GPRIN2: variants seen among roughly 807,000 people sequenced by gnomAD.
The protein encoded by GPRIN2 is G protein-regulated inducer of neurite outgrowth 2.
GPRIN2 carries 1 observed loss-of-function variant against 0.3 expected under a neutral mutation model. That is an observed-to-expected ratio of 3.90 (90% CI 1.39 to 18.51). The LOEUF (loss-of-function observed/expected upper bound fraction) is 18.51, where lower values mean the gene tolerates loss of function less well. GPRIN2 is among the 30% of genes most tolerant of loss of function. The pLI is 0.11. For synonymous variants in GPRIN2, 361 were observed against 258.6 expected (o/e 1.40, Z -3.80); for missense variants, 880 against 604.2 (o/e 1.46, Z -4.79).
upstream of GPRIN2, among the ~76,000 whole-genome samples, chr10:46,556,923 G>A (rs1368296141): frequency 2.0e-5 from 3 of 151,562 alleles, no homozygotes; most frequent in Admixed American, 2.0e-4. Context: ...CTTCCCCGAC[G>A]CAACCCCACC....
In GPRIN2 at chr10:46,544,042, G is replaced by T. The variant is rs10888381; in HGVS notation, c.*5318C>A. 1.3e-5 allele frequency among the ~76,000 whole-genome samples: 2 copies of T among 152,174 alleles called. No individual in the cohort carries two copies. The highest frequency in any genetic ancestry group is 4.8e-5 in the African/African-American group (2 of 41,400). On this transcript the variant is annotated 3_prime_UTR_variant, in exon 3 of 3. Coordinates refer to ENST00000374314, the MANE Select transcript of GPRIN2 (RefSeq NM_001385282.1). Reference sequence around the variant, plus strand: ...CCCGTGTAGCCACAGCAACAGAACTGGCCCCATGTCTCTCAATCAGGGAGG... The same window carrying T: ...CCCGTGTAGCCACAGCAACAGAACTTGCCCCATGTCTCTCAATCAGGGAGG...
rs1842197108 is a variant in GPRIN2, at chr10:46,546,765, T to C, written c.*2595A>G. ...GCTGCAGTCACTTCAGGTAGACCTG[T>C]CAGCAGCAGCTGTGCAACTGGGCTA... On this transcript the variant is annotated 3_prime_UTR_variant, in exon 3 of 3. Transcript: ENST00000374314. Among the ~76,000 whole-genome samples, 2 of 152,310 alleles carry C rather than the reference T, an allele frequency of 1.3e-5. No homozygotes were observed. The highest frequency in any genetic ancestry group is 6.5e-5 in the Admixed American group (1 of 15,294).
At position 46,547,240 on chromosome 10, in the gene GPRIN2, C is replaced by T. The variant is rs144152604; in HGVS notation, c.*2120G>A. On this transcript the variant is annotated 3_prime_UTR_variant, in exon 3 of 3. Transcript: ENST00000374314. ...ATGCGTGTGTGTGCACGTGTATGAA[C>T]CCAGCCCCCAGCTGCCCACTCCATT... Among the ~76,000 whole-genome samples, 6 of 152,422 alleles carry T rather than the reference C, an allele frequency of 3.9e-5. No homozygotes were observed. In the East Asian group the frequency reaches 9.6e-4, roughly 24 times the overall value.
Position 46,555,751 on chromosome 10 carries a change from C to T in GPRIN2, c.-118+747G>A, listed in dbSNP as rs1046035469. Among the ~76,000 whole-genome samples the T allele has an allele frequency of 5.2e-5, 8 of 152,420 alleles. No homozygotes were observed. In the East Asian group the frequency reaches 1.3e-3, roughly 26 times the overall value. On this transcript the variant is annotated intron_variant, in intron 1 of 2. Transcript: ENST00000374314. The stretch of plus-strand genomic sequence containing the variant: ...GGATTTGCCCACAATCCCTGGGGGG[C>T]ACCTAGGTGGAGAGGGTGCCCCGGC...
chr10:46,545,223 C>A lies in GPRIN2; in HGVS notation c.*4137G>T, dbSNP rs1260543053. ...TGCCTGTGACTCCCTCTGGTGGTTT[C>A]TGTGCACAACTTCCCCCAAAATAGG... On this transcript the variant is annotated 3_prime_UTR_variant, in exon 3 of 3. Coordinates refer to ENST00000374314, the MANE Select transcript of GPRIN2 (RefSeq NM_001385282.1). Among the ~76,000 whole-genome samples, 3 of 152,308 alleles carry A rather than the reference C, an allele frequency of 2.0e-5. No homozygotes were observed. The highest frequency in any genetic ancestry group is 2.0e-4 in the Admixed American group (3 of 15,292).
In GPRIN2 at chr10:46,550,195, T is replaced by TAA. The variant is rs1832452522; in HGVS notation, c.541_542insTT (p.Glu181ValfsTer20). ...CAGCATCCAGGCTGAGTTAGAAGTC[T>TAA]CATCCTCAGGAGCCAGGTCCCTTTC... is the stretch of plus-strand genomic sequence containing the variant. On this transcript the variant is annotated frameshift_variant, in exon 3 of 3. Transcript: ENST00000374314. LOFTEE classifies it low-confidence loss of function (END_TRUNC). 2 of 1,600,612 alleles carry TAA rather than the reference T, an allele frequency of 1.2e-6. No homozygotes were observed. Among genetic ancestry groups the TAA allele is most frequent in the East Asian group, 4.5e-5 (2 of 44,648 alleles).
chr10:46,552,684 C>T (rs1832104655), intron 2 of GPRIN2, among the ~76,000 whole-genome samples: 1 of 152,310 alleles, frequency 6.6e-6, no homozygotes, highest in African/African-American at 2.4e-5. Context: ...CATGTGGGTA[C>T]CAAGCACTCA....
At chr10:46,553,314 A>G (rs914780958) in intron 2 of GPRIN2, among the ~76,000 whole-genome samples, 1 of 152,312 alleles carries the variant, frequency 6.6e-6, no homozygotes, top group Non-Finnish European at 1.5e-5. Context: ...CCTGCCCAAC[A>G]TGCTTCTTAG....
Position 46,545,254 on chromosome 10 carries a change from C to T in GPRIN2, c.*4106G>A, listed in dbSNP as rs1185154215. Reference sequence around the variant, plus strand: ...ACAACTTCCCCCAAAATAGGCCCTACGACTCCAGCAGAAACCTACCCTGGG... The same window carrying T: ...ACAACTTCCCCCAAAATAGGCCCTATGACTCCAGCAGAAACCTACCCTGGG... On this transcript the variant is annotated 3_prime_UTR_variant, in exon 3 of 3. Transcript: ENST00000374314. Among the ~76,000 whole-genome samples the T allele has an allele frequency of 4.6e-5, 7 of 151,440 alleles. No homozygotes were observed. Among genetic ancestry groups the T allele is most frequent in the African/African-American group, 1.2e-4 (5 of 41,164 alleles).
At chr10:46,556,883 A>G (rs1843305668), upstream of GPRIN2, among the ~76,000 whole-genome samples, 1 of 142,610 alleles carries the variant, frequency 7.0e-6, no homozygotes, top group Non-Finnish European at 1.5e-5. Context: ...CCTGTTCTCC[A>G]GGCTGCCCAG....
chr10:46,553,614 C>T (rs1464635513), intron 2 of GPRIN2, among the ~76,000 whole-genome samples: 2 of 152,308 alleles, frequency 1.3e-5, no homozygotes, highest in Non-Finnish European at 2.9e-5. Flanking sequence ...CAATGAGCAT[C>T]CCACTGTGCC....
Position 46,549,940 on chromosome 10 carries a change from C to G in GPRIN2, c.797G>C (p.Ser266Thr), listed in dbSNP as rs150213013. 48 of 1,614,256 alleles carry G rather than the reference C, an allele frequency of 3.0e-5. No individual in the cohort carries two copies. In the African/African-American group the frequency reaches 6.3e-4, roughly 21 times the overall value. The change falls in exon 3 of 3, where the codon AGC (serine) becomes ACC (threonine). Residue 266 changes from serine (S) to threonine (T), a missense_variant. Coordinates refer to ENST00000374314, the MANE Select transcript of GPRIN2 (RefSeq NM_001385282.1). ...ATGCTGAGCCTGCAGCCCAGACTCGCTCACTGACGCCACTAGTTTGGGAAA... is the reference window on the plus strand; with the variant it reads ...ATGCTGAGCCTGCAGCCCAGACTCGGTCACTGACGCCACTAGTTTGGGAAA... The part of the protein sequence containing the change: ...LAFPKLVASV[S>T]ESGLQAQHGV...
intron 1 of GPRIN2, among the ~76,000 whole-genome samples, chr10:46,555,016 G>A (rs916889316): frequency 2.0e-5 from 3 of 152,308 alleles, no homozygotes; most frequent in South Asian, 2.1e-4. Context: ...GCTCAGTCTC[G>A]GCTCACTGCA....
At position 46,542,124 on chromosome 10, in the gene GPRIN2, T is replaced by C. The variant is rs1390872818; in HGVS notation, c.*7236A>G. Among the ~76,000 whole-genome samples the C allele has an allele frequency of 6.6e-6, 1 of 152,428 alleles. No homozygotes were observed. The highest frequency in any genetic ancestry group is 2.4e-5 in the African/African-American group (1 of 41,610). On this transcript the variant is annotated 3_prime_UTR_variant, in exon 3 of 3. Coordinates refer to ENST00000374314, the MANE Select transcript of GPRIN2 (RefSeq NM_001385282.1). ...CCCTTGGCCACCATCTCCCAGTCTG[T>C]TGACTGCTAAAAATGAGAAGTGAAC...
rs1418400666 is a variant in GPRIN2 at position 46,548,966 on chromosome 10, G to A, written c.*394C>T. Reference sequence around the variant, plus strand: ...ACTGGGGCCTCACATTTCATGTCGAGAATTCACTATTTCTCAGCACTGATT... The same window carrying A: ...ACTGGGGCCTCACATTTCATGTCGAAAATTCACTATTTCTCAGCACTGATT... On this transcript the variant is annotated 3_prime_UTR_variant, in exon 3 of 3. Transcript: ENST00000374314. The A allele has an allele frequency of 2.4e-5, 6 of 254,424 alleles. No individual in the cohort carries two copies. Among genetic ancestry groups the A allele is most frequent in the African/African-American group, 1.1e-4 (5 of 44,828 alleles). The allele number at this position is 254,424 out of a possible 1,614,324, so 15.8% of individuals were successfully genotyped here. A position where few individuals can be genotyped will look rare whatever the true frequency, so the allele number is the denominator to read the frequency against.
At chr10:46,554,924 C>T (rs531190069) in intron 1 of GPRIN2, among the ~76,000 whole-genome samples, 1 of 152,306 alleles carries the variant, frequency 6.6e-6, no homozygotes, top group Non-Finnish European at 1.5e-5. Flanking sequence ...CTGTGGCATC[C>T]ATCTAAGTCC....
chr10:46,549,144 A>G lies in GPRIN2; in HGVS notation c.*216T>C. ...AGTTCAGAGCCCGGAAGGTGCAGAGATGTGGCCCTTGGAAATCAAGCCCTT... is the reference window on the plus strand; with the variant it reads ...AGTTCAGAGCCCGGAAGGTGCAGAGGTGTGGCCCTTGGAAATCAAGCCCTT... On this transcript the variant is annotated 3_prime_UTR_variant, in exon 3 of 3. Coordinates refer to ENST00000374314, the MANE Select transcript of GPRIN2 (RefSeq NM_001385282.1). The G allele has an allele frequency of 1.8e-6, 1 of 562,614 alleles. No homozygotes were observed. Among genetic ancestry groups the G allele is most frequent in the Non-Finnish European group, 3.0e-6 (1 of 333,172 alleles). 34.9% of individuals were successfully genotyped at this position (562,614 alleles called of 1,614,324 possible).
intron 2 of GPRIN2, chr10:46,551,273 G>T: frequency 2.1e-6 from 1 of 468,622 alleles, no homozygotes; most frequent in Non-Finnish European, 2.8e-6. Context: ...TTGGTACAGA[G>T]TGGGAGCTCA....
At chr10:46,551,832 T>G (rs1842646305) in intron 2 of GPRIN2, among the ~76,000 whole-genome samples, 1 of 152,312 alleles carries the variant, frequency 6.6e-6, no homozygotes, top group African/African-American at 2.4e-5. Flanking sequence ...CCAGGCAGCC[T>G]TCATCCCTGA....
Sources: gnomAD v4.1 joint callset for allele counts (sites outside exome capture counted in the v4.1 genomes callset) on GRCh38, gnomAD v4.1.1 for gene constraint, MANE v1.5 for transcripts, NCBI Gene and HGNC (gene_info 2026-07-23, HGNC 2026-07-21) for gene names.